Variants in SLC16A4 observed in about 807,000 individuals in gnomAD.
SLC16A4 encodes probable monocarboxylate transporter 5.
SLC16A4 carries 39 observed loss-of-function variants against 47.9 expected under a neutral mutation model. The observed-to-expected ratio is 0.81, with a 90% CI of 0.63 to 1.06. The LOEUF (loss-of-function observed/expected upper bound fraction) is 1.06, where lower values mean the gene tolerates loss of function less well. Ranked by LOEUF, SLC16A4 falls within the 50% of genes least tolerant of loss-of-function variation. SLC16A4 has a pLI of 0.00. For synonymous variants in SLC16A4, 189 were observed against 199.9 expected (o/e 0.95, Z 0.46); for missense variants, 524 against 573.8 (o/e 0.91, Z 0.89).
chr1:110,381,942 C>T (rs1471881344), intron 3 of SLC16A4, 147 bp from the exon 4 acceptor site: 4 of 775,922 alleles, frequency 5.2e-6, no homozygotes, highest in Admixed American at 3.3e-5. Flanking sequence ...ATTTTCATAT[C>T]GGGTTTCTTA....
chr1:110,379,263 C>A lies in SLC16A4; in HGVS notation c.620G>T (p.Gly207Val). Residue 207 changes from glycine to valine, a missense_variant, in exon 6 of 9, where the codon GGT (glycine) becomes GTT (valine). Coordinates refer to ENST00000369779, the MANE Select transcript of SLC16A4 (RefSeq NM_004696.3). ...CAAACTGCTGCCTTTATCTTTAATA[C>A]CAGAATTGTTCTCACTTTTGATATG... ...PIHIKSENNS[G>V]IKDKGSSLSA... The A allele has an allele frequency of 6.2e-7, 1 of 1,614,088 alleles. No individual in the cohort carries two copies. The highest frequency in any genetic ancestry group is 8.5e-7 in the Non-Finnish European group (1 of 1,180,012).
At chr1:110,385,185 C>T (rs1662668925) in intron 2 of SLC16A4, among the ~76,000 whole-genome samples, 2 of 152,170 alleles carry the variant, frequency 1.3e-5, no homozygotes, top group Non-Finnish European at 2.9e-5. Context: ...TGTAGCTGAA[C>T]AGGGTTCTGC....
intron 1 of SLC16A4, 51 bp from the exon 2 acceptor site, chr1:110,389,406 C>G: frequency 9.1e-7 from 1 of 1,094,004 alleles, no homozygotes; most frequent in Non-Finnish European, 1.4e-6. Flanking sequence ...CTAATCTAAA[C>G]TTTTAAACTT....
Position 110,375,496 on chromosome 1 carries a change from A to G in SLC16A4, c.1298T>C (p.Phe433Ser). 1.2e-6 allele frequency: 2 copies of G among 1,613,546 alleles called. No homozygotes were observed. Among genetic ancestry groups the G allele is most frequent in the Non-Finnish European group, 1.7e-6 (2 of 1,179,444 alleles). Residue 433 changes from phenylalanine to serine, a missense_variant, in exon 8 of 9, where the codon TTT becomes TCT. Phe to Ser is a radical substitution (Grantham distance 155, BLOSUM62 -2). Coordinates refer to ENST00000369779, the MANE Select transcript of SLC16A4 (RefSeq NM_004696.3). Reference sequence around the variant, plus strand: ...TCCAGAAAGGACAGCCATCCCAGCAAAGAAACTGGCAAGTCCCAAAAACCT... The same window carrying G: ...TCCAGAAAGGACAGCCATCCCAGCAGAGAAACTGGCAAGTCCCAAAAACCT... ...VNRFLGLASF[F>S]AGMAVLSGPP...
chr1:110,383,015 A>G, intron 2 of SLC16A4, 49 bp from the exon 3 acceptor site: 3 of 1,508,516 alleles, frequency 2.0e-6, no homozygotes, highest in Non-Finnish European at 2.7e-6. Context: ...GTGAGCCATT[A>G]CAGAGGCAAT....
chr1:110,388,800 T>C (rs760398396), intron 2 of SLC16A4, among the ~76,000 whole-genome samples: 32 of 152,180 alleles, frequency 2.1e-4, no homozygotes, highest in Non-Finnish European at 3.2e-4. Context: ...AGTCTCCACC[T>C]CCTGATTTCA....
chr1:110,372,938 A>G lies in SLC16A4; in HGVS notation c.1336+2520T>C, dbSNP rs542662362. The G allele has an allele frequency of 5.3e-5, 8 of 152,240 alleles. No homozygotes were observed. In the South Asian group the frequency reaches 1.7e-3, roughly 32 times the overall value. The allele number at this position is 152,240 out of a possible 1,614,324, so 9.4% of individuals were successfully genotyped here. A position where few individuals can be genotyped will look rare whatever the true frequency, so the allele number is the denominator to read the frequency against. The stretch of plus-strand genomic sequence containing the variant: ...AGAAGTATTTTATATCTCATATTTT[A>G]CATTACATAGGTGTGTGTGTGTGTA... On this transcript the variant is annotated intron_variant, in intron 8 of 8. Transcript: ENST00000369779.
intron 2 of SLC16A4, 67 bp from the exon 3 acceptor site, chr1:110,383,033 A>G: frequency 1.4e-6 from 2 of 1,411,238 alleles, no homozygotes; most frequent in Non-Finnish European, 1.9e-6. Context: ...AATTACGGCT[A>G]CTAGAAGTTA....
rs764150737 is a variant in SLC16A4 at position 110,382,903 on chromosome 1, C to G, written c.151G>C (p.Glu51Gln). The G allele has an allele frequency of 1.2e-6, 2 of 1,612,564 alleles. No homozygotes were observed. Among genetic ancestry groups the G allele is most frequent in the East Asian group, 2.2e-5 (1 of 44,854 alleles). ...ATTTGCTCTGAGGTGCCTTCAAACT[C>G]TTCTTGAAAGACCACAAAGAAAATT... ...FAIFFVVFQE[E>Q]FEGTSEQIGW... The change falls in exon 3 of 9, where the codon GAG (glutamate) becomes CAG (glutamine). Residue 51 changes from glutamate (E) to glutamine (Q), a missense_variant. By Grantham distance (29) the Glu-to-Gln change is conservative. Coordinates refer to ENST00000369779, the MANE Select transcript of SLC16A4 (RefSeq NM_004696.3).
rs1662214071 is a variant in SLC16A4 at position 110,379,255 on chromosome 1, C to A, written c.628G>T (p.Asp210Tyr). 6.2e-7 allele frequency: 1 copy of A among 1,614,172 alleles called. No homozygotes were observed. Among genetic ancestry groups the A allele is most frequent in the Non-Finnish European group, 8.5e-7 (1 of 1,180,022 alleles). Residue 210 changes from aspartate to tyrosine, a missense_variant, in exon 6 of 9, where the codon GAT (aspartate) becomes TAT (tyrosine). Coordinates refer to ENST00000369779, the MANE Select transcript of SLC16A4 (RefSeq NM_004696.3). ...IKSENNSGIK[D>Y]KGSSLSAHGP... ...TGTGCAGACAAACTGCTGCCTTTAT[C>A]TTTAATACCAGAATTGTTCTCACTT...
In SLC16A4 at chr1:110,380,978, G is replaced by T; in HGVS notation, c.526+4C>A. ...TGATAGTAAATAAACTTAGAATGAC[G>T]TACCTGTCCAGTCATACAGATCTAT... On this transcript the variant is annotated splice_donor_region_variant and intron_variant, in intron 5 of 8. Coordinates refer to ENST00000369779, the MANE Select transcript of SLC16A4 (RefSeq NM_004696.3). 1 of 1,612,482 alleles carries T rather than the reference G, an allele frequency of 6.2e-7. No homozygotes were observed. Among genetic ancestry groups the T allele is most frequent in the Non-Finnish European group, 8.5e-7 (1 of 1,178,652 alleles).
rs760474294 is a variant in SLC16A4 at position 110,375,539 on chromosome 1, T to C, written c.1255A>G (p.Arg419Gly). 4 of 1,602,166 alleles carry C rather than the reference T, an allele frequency of 2.5e-6. No individual in the cohort carries two copies. The African/African-American group carries it at 5.4e-5, about 21-fold the overall frequency. Reference sequence around the variant, plus strand: ...AAAAACCTGTTTACTGTAGAATTCCTACACAGATCAACCTGTAGGAATTAG... The same window carrying C: ...AAAAACCTGTTTACTGTAGAATTCCCACACAGATCAACCTGTAGGAATTAG... ...LILPVLVDLCRNSTVNRFLGL... is the reference protein window; with the variant it reads ...LILPVLVDLCGNSTVNRFLGL... The change falls in exon 8 of 9, where the codon AGG becomes GGG. Residue 419 changes from arginine to glycine, a missense_variant. By Grantham distance (125) the Arg-to-Gly change is moderately radical (BLOSUM62 -2). Transcript: ENST00000369779.
chr1:110,370,273 A>G (rs937962686), intron 8 of SLC16A4: 1 of 152,108 alleles, frequency 6.6e-6, no homozygotes, highest in Non-Finnish European at 1.5e-5. Flanking sequence ...GAACATATAG[A>G]GGACAGGGCT....
chr1:110,386,748 C>A (rs1662756663), intron 2 of SLC16A4, among the ~76,000 whole-genome samples: 1 of 152,186 alleles, frequency 6.6e-6, no homozygotes, highest in African/African-American at 2.4e-5. Flanking sequence ...TCTAGTATCA[C>A]CCTAGCTCCT....
chr1:110,375,336 A>G, intron 8 of SLC16A4, 122 bp downstream of exon 8: 1 of 663,982 alleles, frequency 1.5e-6, no homozygotes, highest in Non-Finnish European at 2.7e-6. Context: ...TAGATATAGG[A>G]AAAGCAGAAA....
chr1:110,366,377 C>G (rs1226301935), intron 8 of SLC16A4, among the ~76,000 whole-genome samples: 1 of 152,130 alleles, frequency 6.6e-6, no homozygotes, highest in East Asian at 1.9e-4. Flanking sequence ...CCAGGTTGGT[C>G]TCAAACTCCT....
At chr1:110,365,502 T>TA (rs1359855963) in intron 8 of SLC16A4, among the ~76,000 whole-genome samples, 5 of 152,250 alleles carry the variant, frequency 3.3e-5, no homozygotes, top group Admixed American at 3.3e-4. Context: ...GCTTTTTACT[T>TA]ACTGACTCCT....
At chr1:110,371,887 A>AC (rs1661706447) in intron 8 of SLC16A4, 1 of 152,106 alleles carries the variant, frequency 6.6e-6, no homozygotes, top group Non-Finnish European at 1.5e-5. Flanking sequence ...AGGTGTGGGG[A>AC]CCGGTAAGTT....
At chr1:110,382,404 A>C (rs879814640) in intron 3 of SLC16A4, among the ~76,000 whole-genome samples, 1 of 152,118 alleles carries the variant, frequency 6.6e-6, no homozygotes, top group Non-Finnish European at 1.5e-5. Context: ...GGTTGCAGTG[A>C]GCCGAGATAG....
Sources: allele counts gnomAD v4.1 joint callset (sites outside exome capture counted in the v4.1 genomes callset), GRCh38; gene constraint gnomAD v4.1.1; transcripts MANE v1.5; gene names NCBI Gene and HGNC (gene_info 2026-07-23, HGNC 2026-07-21).